LRBA: variants seen among roughly 807,000 people sequenced by gnomAD.
The protein encoded by LRBA is lipopolysaccharide-responsive and beige-like anchor protein.
LRBA carries 176 observed loss-of-function variants against 330.0 expected under a neutral mutation model. The observed-to-expected ratio is 0.53, with a 90% CI of 0.47 to 0.60. LRBA has a LOEUF of 0.60. Among genes scored for constraint, LRBA ranks in the 20% least tolerant of loss-of-function variants. LRBA has a pLI of 0.00. For missense variants in LRBA, 3,259 were observed against 3,444.8 expected, an observed-to-expected ratio of 0.95 and a Z score of 1.35; for synonymous variants, 1,230 against 1,193.0, an observed-to-expected ratio of 1.03 and a Z score of -0.64.
intron 41 of LRBA, among the ~76,000 whole-genome samples, chr4:150,489,243 TATATA>T (rs1275902626): frequency 4.4e-4 from 27 of 61,050 alleles, no homozygotes; most frequent in African/African-American, 1.3e-3. Flanking sequence ...TATATACGAA[TATATA>T]ATATATTATA....
intron 40 of LRBA, among the ~76,000 whole-genome samples, chr4:150,515,698 A>G (rs1228241938): frequency 1.3e-5 from 2 of 152,084 alleles, no homozygotes; most frequent in Non-Finnish European, 2.9e-5. Flanking sequence ...TATCCAAAGT[A>G]CTCCAAATGA....
chr4:150,877,014 G>A (rs1368964986), intron 17 of LRBA, among the ~76,000 whole-genome samples: 1 of 152,098 alleles, frequency 6.6e-6, no homozygotes, highest in Non-Finnish European at 1.5e-5. Context: ...AGCACTTTGG[G>A]AGGCCGAGGC....
intron 36 of LRBA, among the ~76,000 whole-genome samples, chr4:150,719,881 T>C (rs1439099265): frequency 6.6e-6 from 1 of 152,062 alleles, no homozygotes; most frequent in Non-Finnish European, 1.5e-5. Flanking sequence ...CTGAGGGAAA[T>C]GATTCAAAGC....
intron 2 of LRBA, among the ~76,000 whole-genome samples, chr4:151,009,538 ACT>A (rs1744557097): frequency 7.6e-6 from 1 of 132,310 alleles, no homozygotes; most frequent in African/African-American, 2.9e-5. Context: ...AGGGAGCAAG[ACT>A]CTGTCTCAAA....
At chr4:150,989,992 T>C (rs1424437243) in intron 2 of LRBA, among the ~76,000 whole-genome samples, 1 of 152,138 alleles carries the variant, frequency 6.6e-6, no homozygotes, top group African/African-American at 2.4e-5. Context: ...AATTTAATTT[T>C]TTTTAATTAG....
intron 37 of LRBA, among the ~76,000 whole-genome samples, chr4:150,658,516 C>T (rs1478721326): frequency 0.05 from 1 of 20 alleles, no homozygotes; most frequent in African/African-American, 0.1. Flanking sequence ...TCTCCCTCTC[C>T]CTCTCCCTCT....
intron 37 of LRBA, among the ~76,000 whole-genome samples, chr4:150,624,963 T>C (rs1270684446): frequency 6.6e-6 from 1 of 152,230 alleles, no homozygotes; most frequent in East Asian, 1.9e-4. Context: ...TCATTTTATA[T>C]TGGATTGTTT....
intron 22 of LRBA, among the ~76,000 whole-genome samples, chr4:150,858,973 A>T (rs141151580): frequency 7.5e-4 from 115 of 152,338 alleles, no homozygotes; most frequent in African/African-American, 2.8e-3. Flanking sequence ...TCTTTAAAAA[A>T]AAATCTTATT....
chr4:150,991,073 A>C (rs1180231841), intron 2 of LRBA, among the ~76,000 whole-genome samples: 3 of 151,582 alleles, frequency 2.0e-5, no homozygotes, highest in African/African-American at 4.9e-5. Context: ...AAAAAAAAGA[A>C]GACGAAGAAG....
intron 40 of LRBA, among the ~76,000 whole-genome samples, chr4:150,569,731 A>C (rs1196382711): frequency 1.3e-5 from 2 of 152,186 alleles, no homozygotes; most frequent in Non-Finnish European, 2.9e-5. Context: ...TGGTCTTCAC[A>C]TTTAATAGTG....
chr4:150,535,518 A>T (rs141892923), intron 40 of LRBA, among the ~76,000 whole-genome samples: 3 of 152,178 alleles, frequency 2.0e-5, no homozygotes, highest in African/African-American at 7.2e-5. Flanking sequence ...ACACAAATAC[A>T]TAATATCACC....
chr4:150,693,258 T>C (rs1297373054), intron 36 of LRBA, among the ~76,000 whole-genome samples: 8 of 152,180 alleles, frequency 5.3e-5, no homozygotes, highest in African/African-American at 1.9e-4. Flanking sequence ...ATTCCATTTA[T>C]ATAAGGGTCA....
rs577663807 is a variant in LRBA at position 150,923,004 on chromosome 4, C to T, written c.550-1711G>A. 3.7e-4 allele frequency among the ~76,000 whole-genome samples: 57 copies of T among 152,140 alleles called. No individual in the cohort carries two copies. The South Asian group carries it at 0.011, about 30-fold the overall frequency. On this transcript the variant is annotated intron_variant, in intron 4 of 56. Transcript: ENST00000651943. ...ATGCTTTTAAACAACTATACAGATG[C>T]TCCTCAACTTACGATAGGGTTACAT...
intron 38 of LRBA, among the ~76,000 whole-genome samples, chr4:150,592,645 A>T (rs1773033366): frequency 6.6e-6 from 1 of 151,930 alleles, no homozygotes; most frequent in African/African-American, 2.4e-5. Flanking sequence ...TTTTTATTTA[A>T]TTTTTTTGAG....
Position 150,905,892 on chromosome 4 carries a change from T to C in LRBA, c.1701A>G (p.Gln567=), listed in dbSNP as rs1233995622. 1.9e-6 allele frequency: 3 copies of C among 1,613,554 alleles called. No homozygotes were observed. Among genetic ancestry groups the C allele is most frequent in the African/African-American group, 2.7e-5 (2 of 74,906 alleles). ...NLQNGMPLLK[Q]LCDHVLLNPA... ...GATTAAGAAGAACGTGATCACACAA[T>C]TGCTTGAGCAGGGGCATCCCATTCT... The change falls in exon 13 of 57, where the codon CAA becomes CAG. Residue 567 remains glutamine (Q), a synonymous_variant. Transcript: ENST00000651943.
chr4:150,981,188 C>T (rs988870850), intron 2 of LRBA, among the ~76,000 whole-genome samples: 2 of 150,748 alleles, frequency 1.3e-5, no homozygotes, highest in African/African-American at 4.9e-5. Flanking sequence ...CCGCGGTGGG[C>T]AGATCACAAG....
intron 37 of LRBA, among the ~76,000 whole-genome samples, chr4:150,607,432 A>G (rs1774764126): frequency 6.6e-6 from 1 of 151,992 alleles, no homozygotes; most frequent in Admixed American, 6.6e-5. Flanking sequence ...GGCTGTAACA[A>G]GAGGGAAGTT....
At chr4:150,813,201 AAAAG>A (rs1029238171) in intron 31 of LRBA, among the ~76,000 whole-genome samples, 4 of 151,548 alleles carry the variant, frequency 2.6e-5, no homozygotes, top group Non-Finnish European at 5.9e-5. Context: ...AAGAAAAGAA[AAAAG>A]AAAGGATACT....
At chr4:150,746,173 A>G (rs980304541) in intron 35 of LRBA, among the ~76,000 whole-genome samples, 1 of 152,250 alleles carries the variant, frequency 6.6e-6, no homozygotes, top group African/African-American at 2.4e-5. Flanking sequence ...ATATATACAA[A>G]TGTACATGTT....
Sources: allele counts gnomAD v4.1 joint callset (sites outside exome capture counted in the v4.1 genomes callset), GRCh38; gene constraint gnomAD v4.1.1; transcripts MANE v1.5; gene names NCBI Gene and HGNC (gene_info 2026-07-23, HGNC 2026-07-21).